The following DLGAP1 variants were observed in gnomAD, a reference collection of about 807,000 sequenced individuals.
DLGAP1 encodes DLG associated protein 1.
In DLGAP1, 11 loss-of-function variants were observed where a neutral mutation model predicts 90.8. The observed-to-expected ratio is 0.12, with a 90% confidence interval of 0.08 to 0.20. DLGAP1 has a LOEUF of 0.20. Among genes scored for constraint, DLGAP1 ranks in the 10% least tolerant of loss-of-function variants. The probability of loss-of-function intolerance (pLI) is 1.00; values close to 1 mark genes in which losing one functional copy is unlikely to be tolerated. For synonymous variants in DLGAP1, 558 were observed against 540.7 expected, an observed-to-expected ratio of 1.03 and a Z score of -0.44; for missense variants, 1,050 against 1,333.8, an observed-to-expected ratio of 0.79 and a Z score of 3.31.
chr18:4,334,281 T>C (rs1297295054), intron 1 of DLGAP1, among the ~76,000 whole-genome samples: 1 of 151,830 alleles, frequency 6.6e-6, no homozygotes, highest in Non-Finnish European at 1.5e-5. Context: ...CACCTCAGTC[T>C]ATTTCATATG....
At chr18:4,042,431 T>C (rs1424924075) in intron 2 of DLGAP1, among the ~76,000 whole-genome samples, 1 of 152,202 alleles carries the variant, frequency 6.6e-6, no homozygotes, top group Non-Finnish European at 1.5e-5. Context: ...CAGGCAGTTA[T>C]TTTTCACCAA....
rs147960392 is a variant in DLGAP1 at position 3,731,536 on chromosome 18, T to C, written c.1351-2161A>G. 6.7e-3 allele frequency among the ~76,000 whole-genome samples: 1,010 copies of C among 151,078 alleles called. 12 individuals carry two copies. The highest frequency in any genetic ancestry group is 0.022 in the African/African-American group (910 of 41,218). ...AATCCTCCCGACTCATTTTCCTGGA[T>C]AGCTGGGACCACAGGTACGCACCAC... On this transcript the variant is annotated intron_variant, in intron 6 of 12. Transcript: ENST00000315677.
chr18:3,672,917 GGCAA>G (rs2146771147), intron 7 of DLGAP1, among the ~76,000 whole-genome samples: 1 of 152,160 alleles, frequency 6.6e-6, no homozygotes, highest in South Asian at 2.1e-4. Context: ...CCATGCCTGG[GGCAA>G]GTCCTTATCT....
intron 9 of DLGAP1, among the ~76,000 whole-genome samples, chr18:3,535,542 C>T (rs1458880199): frequency 2.0e-5 from 3 of 150,300 alleles, no homozygotes; most frequent in South Asian, 2.1e-4. Flanking sequence ...CCCGTATCTA[C>T]CAAAAAATAT....
chr18:3,512,029 G>A (rs2050573047), intron 10 of DLGAP1, among the ~76,000 whole-genome samples: 1 of 151,400 alleles, frequency 6.6e-6, no homozygotes. Flanking sequence ...AAAGCTCTAT[G>A]GGTGTTGAGT....
intron 1 of DLGAP1, among the ~76,000 whole-genome samples, chr18:4,406,487 A>G (rs1489468474): frequency 6.6e-6 from 1 of 152,192 alleles, no homozygotes; most frequent in Non-Finnish European, 1.5e-5. Flanking sequence ...AATCGGTGAA[A>G]CAACTCTGTG....
At chr18:4,439,509 T>C (rs1024103316) in intron 1 of DLGAP1, among the ~76,000 whole-genome samples, 1 of 152,180 alleles carries the variant, frequency 6.6e-6, no homozygotes, top group Non-Finnish European at 1.5e-5. Context: ...CAAAGGGTGA[T>C]CAAGAGCAGC....
intron 7 of DLGAP1, among the ~76,000 whole-genome samples, chr18:3,668,659 C>T (rs1211665429): frequency 6.6e-6 from 1 of 152,136 alleles, no homozygotes; most frequent in East Asian, 1.9e-4. Context: ...GCCAAGCTAT[C>T]CTCAGTCGAA....
At chr18:3,719,079 G>A (rs544935809) in intron 7 of DLGAP1, among the ~76,000 whole-genome samples, 1 of 152,208 alleles carries the variant, frequency 6.6e-6, no homozygotes, top group African/African-American at 2.4e-5. Flanking sequence ...ATTGTGTGAT[G>A]TAACTCTTCA....
intron 1 of DLGAP1, among the ~76,000 whole-genome samples, chr18:4,416,287 T>C (rs1313657804): frequency 6.6e-6 from 1 of 152,194 alleles, no homozygotes; most frequent in East Asian, 1.9e-4. Flanking sequence ...TATAATAGTT[T>C]CAAATTCCAT....
At chr18:4,144,040 C>T (rs556705607) in intron 2 of DLGAP1, among the ~76,000 whole-genome samples, 1 of 152,108 alleles carries the variant, frequency 6.6e-6, no homozygotes, top group African/African-American at 2.4e-5. Flanking sequence ...GAAGAAGTCT[C>T]TCTTAGGGTG....
intron 4 of DLGAP1, among the ~76,000 whole-genome samples, chr18:3,852,004 G>A (rs1333885721): frequency 6.6e-6 from 1 of 151,840 alleles, no homozygotes; most frequent in African/African-American, 2.4e-5. Context: ...TTATACAGAG[G>A]CAAAAAAGAT....
intron 8 of DLGAP1, chr18:3,580,602 A>C: frequency 8.2e-6 from 13 of 1,587,120 alleles, no homozygotes; most frequent in Non-Finnish European, 1.1e-5. Flanking sequence ...ACTAGAGAGA[A>C]TGGACTGGAA....
At position 3,560,676 on chromosome 18, in the gene DLGAP1, G is replaced by T. The variant is rs192955328; in HGVS notation, c.2057+6814C>A. 1.1e-3 allele frequency among the ~76,000 whole-genome samples: 172 copies of T among 150,550 alleles called. 11 individuals carry two copies. Among genetic ancestry groups the T allele is most frequent in the African/African-American group, 4.1e-3 (165 of 40,192 alleles). On this transcript the variant is annotated intron_variant, in intron 9 of 12. Coordinates refer to ENST00000315677, the MANE Select transcript of DLGAP1 (RefSeq NM_004746.4). ...ACATTTTTTTCTAAATGGGAAAAGG[G>T]TTAAGCTGATTATTTATCTAGTCGG...
intron 1 of DLGAP1, among the ~76,000 whole-genome samples, chr18:4,360,104 G>A (rs903072101): frequency 3.3e-5 from 5 of 152,118 alleles, no homozygotes; most frequent in Admixed American, 6.6e-5. Flanking sequence ...ATGAATTTGG[G>A]AATTTTCAGA....
chr18:3,559,624 C>CTTTT (rs34093132), intron 9 of DLGAP1, among the ~76,000 whole-genome samples: 4 of 129,896 alleles, frequency 3.1e-5, no homozygotes, highest in African/African-American at 8.9e-5. Context: ...ATCCAATCCA[C>CTTTT]TTTTTTTTTT....
At chr18:3,746,261 A>G (rs976637337) in intron 5 of DLGAP1, among the ~76,000 whole-genome samples, 3 of 152,284 alleles carry the variant, frequency 2.0e-5, no homozygotes, top group Non-Finnish European at 2.9e-5. Flanking sequence ...CTCCAATACA[A>G]TATAGATTAT....
intron 3 of DLGAP1, among the ~76,000 whole-genome samples, chr18:3,937,021 G>A (rs1009099613): frequency 5.3e-5 from 8 of 152,208 alleles, no homozygotes; most frequent in African/African-American, 1.9e-4. Context: ...CACGTGGAAA[G>A]TGTAATGCAG....
intron 1 of DLGAP1, among the ~76,000 whole-genome samples, chr18:4,237,265 G>C (rs1317983516): frequency 2.0e-5 from 3 of 152,132 alleles, no homozygotes; most frequent in South Asian, 2.1e-4. Flanking sequence ...ATTTATACTT[G>C]TTGTTGTTTG....
Sources: gnomAD v4.1 joint callset for allele counts (sites outside exome capture counted in the v4.1 genomes callset) on GRCh38, gnomAD v4.1.1 for gene constraint, MANE v1.5 for transcripts, NCBI Gene and HGNC (gene_info 2026-07-23, HGNC 2026-07-21) for gene names.